Variants in MACROD2 observed in about 807,000 individuals in gnomAD.
The protein encoded by MACROD2 is ADP-ribose glycohydrolase MACROD2.
MACROD2 carries 36 observed loss-of-function variants against 70.4 expected under a neutral mutation model. The observed-to-expected ratio is 0.51, with a 90% CI of 0.39 to 0.68. MACROD2 has a LOEUF of 0.68. Ranked by LOEUF, MACROD2 falls within the 30% of genes least tolerant of loss-of-function variation. The probability of loss-of-function intolerance (pLI) is 0.00; values close to 1 mark genes in which losing one functional copy is unlikely to be tolerated. For synonymous variants in MACROD2, 172 were observed against 178.8 expected (o/e 0.96, Z 0.30); for missense variants, 496 against 538.4 (o/e 0.92, Z 0.78).
intron 8 of MACROD2, among the ~76,000 whole-genome samples, chr20:15,664,352 A>AT (rs2049867039): frequency 6.6e-6 from 1 of 152,132 alleles, no homozygotes; most frequent in Non-Finnish European, 1.5e-5. Flanking sequence ...GAGTACATAT[A>AT]TTTTCTTTAA....
At chr20:14,119,705 A>G (rs2054560457) in intron 3 of MACROD2, among the ~76,000 whole-genome samples, 1 of 152,224 alleles carries the variant, frequency 6.6e-6, no homozygotes, top group African/African-American at 2.4e-5. Flanking sequence ...AGCCTGTGCT[A>G]AGAAAGTCCT....
At chr20:15,777,559 TTCCTTCCTTCCTTCCTTCTTTCCTTCC>T (rs2051749127) in intron 8 of MACROD2, among the ~76,000 whole-genome samples, 2 of 86,842 alleles carry the variant, frequency 2.3e-5, no homozygotes, top group African/African-American at 3.9e-5. Flanking sequence ...CCTTCCTTCC[TTCCTTCCTTCCTTCCTTCTTTCCTTCC>T]TTCCTTCCTT....
At chr20:15,230,408 A>G (rs1032680818) in intron 6 of MACROD2, among the ~76,000 whole-genome samples, 1 of 152,316 alleles carries the variant, frequency 6.6e-6, no homozygotes, top group Non-Finnish European at 1.5e-5. Context: ...TGAGTTTGTT[A>G]TGATAGCGCA....
At chr20:15,777,566 CTTCCTTCCTTCT>C (rs1568555640) in intron 8 of MACROD2, among the ~76,000 whole-genome samples, 5 of 94,074 alleles carry the variant, frequency 5.3e-5, no homozygotes, top group East Asian at 2.5e-4. Context: ...TCCTTCCTTC[CTTCCTTCCTTCT>C]TTCCTTCCTT....
At chr20:14,254,833 A>G (rs1188380303) in intron 3 of MACROD2, among the ~76,000 whole-genome samples, 3 of 152,092 alleles carry the variant, frequency 2.0e-5, no homozygotes, top group Non-Finnish European at 4.4e-5. Flanking sequence ...GTTTCTTCCT[A>G]GCCTCGATGG....
intron 5 of MACROD2, among the ~76,000 whole-genome samples, chr20:15,179,279 T>A (rs1398936636): frequency 1.3e-5 from 2 of 152,208 alleles, no homozygotes; most frequent in East Asian, 3.9e-4. Context: ...TGTGCTAGCT[T>A]ATTTTTTTAT....
At chr20:15,959,023 A>G (rs1043192989) in intron 12 of MACROD2, among the ~76,000 whole-genome samples, 2 of 152,220 alleles carry the variant, frequency 1.3e-5, no homozygotes, top group Non-Finnish European at 2.9e-5. Context: ...CAAGCTGACA[A>G]TATAGTCATT....
chr20:15,125,407 A>T (rs553091756), intron 5 of MACROD2, among the ~76,000 whole-genome samples: 1 of 152,252 alleles, frequency 6.6e-6, no homozygotes, highest in Non-Finnish European at 1.5e-5. Context: ...GTAGGGGTTA[A>T]GATGAAGATT....
intron 5 of MACROD2, among the ~76,000 whole-genome samples, chr20:14,737,743 A>G (rs759590099): frequency 4.1e-4 from 63 of 152,050 alleles, no homozygotes; most frequent in Admixed American, 1.4e-3. Flanking sequence ...TTGGCCACAT[A>G]AATGTTTTCT....
At chr20:14,797,964 G>A (rs2072530687) in intron 5 of MACROD2, among the ~76,000 whole-genome samples, 1 of 152,062 alleles carries the variant, frequency 6.6e-6, no homozygotes, top group Admixed American at 6.6e-5. Flanking sequence ...ACAATTTAAA[G>A]TTCATATCCT....
intron 6 of MACROD2, among the ~76,000 whole-genome samples, chr20:15,373,091 T>C (rs1055007392): frequency 2.0e-5 from 3 of 152,116 alleles, no homozygotes; most frequent in Non-Finnish European, 4.4e-5. Context: ...TTTATAAAAT[T>C]ATCCTGTCAA....
chr20:15,517,193 T>C (rs2047580053), intron 8 of MACROD2, among the ~76,000 whole-genome samples: 1 of 152,164 alleles, frequency 6.6e-6, no homozygotes, highest in Non-Finnish European at 1.5e-5. Flanking sequence ...CCCTTGCTCC[T>C]ACCCTCCAGC....
chr20:14,502,054 C>G (rs1442170829), intron 4 of MACROD2, among the ~76,000 whole-genome samples: 2 of 152,142 alleles, frequency 1.3e-5, no homozygotes, highest in African/African-American at 4.8e-5. Flanking sequence ...TTAAATATCT[C>G]TCATCCCCAA....
intron 6 of MACROD2, among the ~76,000 whole-genome samples, chr20:15,288,863 G>GTCTA (rs1172385837): frequency 0.028 from 3,745 of 132,136 alleles, 59 homozygotes; most frequent in African/African-American, 0.052. Context: ...ATGTCTGTCT[G>GTCTA]TCTGTCTATC....
chr20:14,753,636 A>G (rs1019642524), intron 5 of MACROD2, among the ~76,000 whole-genome samples: 1 of 151,854 alleles, frequency 6.6e-6, no homozygotes, highest in Non-Finnish European at 1.5e-5. Context: ...GAGAAAAAAC[A>G]GAGAACTCTT....
chr20:14,322,720 A>AG (rs2082675850), intron 3 of MACROD2, among the ~76,000 whole-genome samples: 1 of 152,162 alleles, frequency 6.6e-6, no homozygotes, highest in Non-Finnish European at 1.5e-5. Context: ...GAGGAGTAAA[A>AG]GGAGCAGTAT....
At chr20:14,120,506 G>A (rs187179188) in intron 3 of MACROD2, among the ~76,000 whole-genome samples, 1 of 151,940 alleles carries the variant, frequency 6.6e-6, no homozygotes, top group East Asian at 1.9e-4. Context: ...ATTTGACCCA[G>A]CAATCCCATT....
At chr20:15,841,934 T>G (rs1391684322) in intron 8 of MACROD2, among the ~76,000 whole-genome samples, 1 of 152,114 alleles carries the variant, frequency 6.6e-6, no homozygotes, top group Non-Finnish European at 1.5e-5. Context: ...GGACTTGGAC[T>G]GAATTCAAGG....
intron 6 of MACROD2, among the ~76,000 whole-genome samples, chr20:15,294,988 C>T (rs1403567038): frequency 6.6e-6 from 1 of 152,228 alleles, no homozygotes; most frequent in Non-Finnish European, 1.5e-5. Context: ...TGTGTCCCCA[C>T]TGAAATCTCA....
Sources: gnomAD v4.1 joint callset for allele counts (sites outside exome capture counted in the v4.1 genomes callset) on GRCh38, gnomAD v4.1.1 for gene constraint, MANE v1.5 for transcripts, NCBI Gene and HGNC (gene_info 2026-07-23, HGNC 2026-07-21) for gene names.